The following PLA2R1 variants were observed in gnomAD, a reference collection of about 807,000 sequenced individuals.
PLA2R1 encodes phospholipase A2 receptor 1.
In PLA2R1, 158 loss-of-function variants were observed where a neutral mutation model predicts 195.9. The ratio of observed to expected loss-of-function variants is 0.81; its 90% CI spans 0.71 to 0.92. The LOEUF is 0.92. Ranked by LOEUF, PLA2R1 falls within the 40% of genes least tolerant of loss-of-function variation. The pLI, the probability that PLA2R1 is intolerant of heterozygous loss-of-function variation, is 0.00. For missense variants in PLA2R1, 1,626 were observed against 1,764.6 expected, an observed-to-expected ratio of 0.92 and a Z score of 1.41; for synonymous variants, 586 against 598.2, an observed-to-expected ratio of 0.98 and a Z score of 0.30.
At chr2:160,001,767 A>G (rs1032604005) in intron 11 of PLA2R1, among the ~76,000 whole-genome samples, 3 of 151,936 alleles carry the variant, frequency 2.0e-5, no homozygotes, top group Non-Finnish European at 4.4e-5. Context: ...GGATATCACA[A>G]TTCTAAACTT....
chr2:160,050,109 T>C (rs1408213911), intron 1 of PLA2R1, among the ~76,000 whole-genome samples: 3 of 152,186 alleles, frequency 2.0e-5, no homozygotes, highest in Non-Finnish European at 4.4e-5. Flanking sequence ...TCCCAGAACT[T>C]AAAACAAAAT....
Position 160,058,519 on chromosome 2 carries a change from A to G in PLA2R1, c.109+3776T>C, listed in dbSNP as rs139739017. On this transcript the variant is annotated intron_variant, in intron 1 of 29. Transcript: ENST00000283243. ...ATTAGTGGGGGACCATTTCACATTT[A>G]TCATTTTTCAACCCTCAACAAAGCT... Among the ~76,000 whole-genome samples, 274 of 152,182 alleles carry G rather than the reference A, an allele frequency of 1.8e-3. 3 individuals carry two copies. The Middle Eastern group carries it at 0.054, about 30-fold the overall frequency.
At chr2:159,946,569 A>G in intron 27 of PLA2R1, 6 of 1,210,788 alleles carry the variant, frequency 5.0e-6, no homozygotes, top group Non-Finnish European at 6.2e-6. Flanking sequence ...AAGGGTAAAG[A>G]TAAACATGTT....
intron 2 of PLA2R1, among the ~76,000 whole-genome samples, chr2:160,042,819 GTGTGTGTGTGTGTGTGTGTGTGTA>G (rs1321369148): frequency 2.6e-5 from 3 of 113,630 alleles, no homozygotes; most frequent in Admixed American, 9.8e-5. Context: ...GTGTGTGTGT[GTGTGTGTGTGTGTGTGTGTGTGTA>G]TGTGTGAGAC....
chr2:159,944,859 A>T (rs1033430801), intron 28 of PLA2R1, 47 bp downstream of exon 28: 3 of 1,389,904 alleles, frequency 2.2e-6, no homozygotes, highest in Non-Finnish European at 3.1e-6. Flanking sequence ...AGTCAACATT[A>T]GTTAAGGTAG....
intron 1 of PLA2R1, among the ~76,000 whole-genome samples, chr2:160,053,571 C>T (rs1482205515): frequency 6.6e-6 from 1 of 152,142 alleles, no homozygotes; most frequent in Non-Finnish European, 1.5e-5. Flanking sequence ...TGAGAGGTTC[C>T]CACTCAGCCC....
intron 4 of PLA2R1, among the ~76,000 whole-genome samples, chr2:160,029,746 T>C (rs1693743796): frequency 1.3e-5 from 2 of 152,222 alleles, no homozygotes; most frequent in African/African-American, 4.8e-5. Flanking sequence ...AAATAGGTAC[T>C]ACTTATGCAG....
chr2:159,987,761 G>A (rs570892406), intron 11 of PLA2R1, among the ~76,000 whole-genome samples: 1 of 152,292 alleles, frequency 6.6e-6, no homozygotes, highest in East Asian at 1.9e-4. Flanking sequence ...TTCAACAGGG[G>A]AAAATAGGTG....
chr2:160,062,340 C>A lies in PLA2R1; in HGVS notation c.64G>T (p.Gly22Cys). Residue 22 changes from glycine to cysteine, a missense_variant, in exon 1 of 30, where the codon GGT becomes TGT. Physicochemically the swap from Gly to Cys is radical, Grantham distance 159. Transcript: ENST00000283243. ...TCGGGGGTAAGCGCCGCCGCCACAC[C>A]CTCGGCGCAGCCCCGCGGCGCCCCC... ...LLGAPRGCAE[G>C]VAAALTPERL... 6.5e-7 allele frequency: 1 copy of A among 1,533,292 alleles called. No homozygotes were observed. 95.0% of individuals were successfully genotyped at this position (1,533,292 alleles called of 1,614,324 possible). A position where few individuals can be genotyped will look rare whatever the true frequency, so the allele number is the denominator to read the frequency against.
intron 11 of PLA2R1, among the ~76,000 whole-genome samples, chr2:159,994,320 T>A (rs554802694): frequency 6.6e-6 from 1 of 151,950 alleles, no homozygotes; most frequent in South Asian, 2.1e-4. Context: ...CATTAACAAA[T>A]AAAGGCAGGG....
rs1686791061 is a variant in PLA2R1 at position 159,935,805 on chromosome 2, A to G, written c.*5973T>C. On this transcript the variant is annotated 3_prime_UTR_variant, in exon 30 of 30. Transcript: ENST00000283243. Reference sequence around the variant, plus strand: ...GAAATAACCTCTTCAGCAGTCAGAGATATTACTTTCTTTCAATCTTGTATT... The same window carrying G: ...GAAATAACCTCTTCAGCAGTCAGAGGTATTACTTTCTTTCAATCTTGTATT... The G allele has an allele frequency of 6.6e-6, 1 of 152,100 alleles. No individual in the cohort carries two copies. The highest frequency in any genetic ancestry group is 2.1e-4 in the South Asian group (1 of 4,822). 9.4% of individuals were successfully genotyped at this position (152,100 alleles called of 1,614,324 possible).
chr2:159,927,609 T>A (rs1305355141), downstream of PLA2R1, among the ~76,000 whole-genome samples: 1 of 152,228 alleles, frequency 6.6e-6, no homozygotes, highest in Non-Finnish European at 1.5e-5. Flanking sequence ...TCCTTGGGGT[T>A]TCTTTCCTAT....
chr2:159,976,363 C>T, intron 16 of PLA2R1, 138 bp from the exon 17 acceptor site: 3 of 555,264 alleles, frequency 5.4e-6, no homozygotes, highest in Non-Finnish European at 9.6e-6. Context: ...CACACACAGA[C>T]ACATATGCAC....
chr2:159,973,911 C>T (rs971819610), intron 17 of PLA2R1, among the ~76,000 whole-genome samples: 1 of 152,124 alleles, frequency 6.6e-6, no homozygotes, highest in South Asian at 2.1e-4. Context: ...GAATCCTCAA[C>T]TAGATCATGG....
At chr2:160,058,471 A>G (rs1695720300) in intron 1 of PLA2R1, among the ~76,000 whole-genome samples, 1 of 152,100 alleles carries the variant, frequency 6.6e-6, no homozygotes, top group South Asian at 2.1e-4. Flanking sequence ...TGAGCACTAC[A>G]GAAGGAAACT....
At chr2:160,053,118 C>T (rs1695317671) in intron 1 of PLA2R1, among the ~76,000 whole-genome samples, 1 of 152,108 alleles carries the variant, frequency 6.6e-6, no homozygotes, top group Non-Finnish European at 1.5e-5. Flanking sequence ...CTTCCAAGGG[C>T]TATGAGGGAA....
chr2:159,999,274 T>C (rs1250457040), intron 11 of PLA2R1, among the ~76,000 whole-genome samples: 4 of 152,082 alleles, frequency 2.6e-5, no homozygotes. Context: ...TAAGAATCTA[T>C]ATATGAGTTA....
intron 2 of PLA2R1, among the ~76,000 whole-genome samples, chr2:160,044,158 T>A (rs1246018511): frequency 6.6e-6 from 1 of 152,110 alleles, no homozygotes; most frequent in African/African-American, 2.4e-5. Context: ...TTTTTTCTGT[T>A]TAGAAATGAC....
intron 13 of PLA2R1, among the ~76,000 whole-genome samples, chr2:159,982,547 T>C (rs535868499): frequency 1.3e-5 from 2 of 152,358 alleles, no homozygotes; most frequent in South Asian, 2.1e-4. Context: ...ATCTCCAAGA[T>C]TGTACATTGT....
Sources: gnomAD v4.1 joint callset for allele counts (sites outside exome capture counted in the v4.1 genomes callset) on GRCh38, gnomAD v4.1.1 for gene constraint, MANE v1.5 for transcripts, NCBI Gene and HGNC (gene_info 2026-07-23, HGNC 2026-07-21) for gene names.